The following KCNT2 variants were observed in gnomAD, a reference collection of about 807,000 sequenced individuals.
KCNT2 encodes potassium sodium-activated channel subfamily T member 2.
A neutral mutation model predicts 153.8 loss-of-function variants in KCNT2; 67 were observed. The observed-to-expected ratio is 0.44, with a 90% CI of 0.36 to 0.53. KCNT2 has a LOEUF of 0.53. Ranked by LOEUF, KCNT2 falls within the 20% of genes least tolerant of loss-of-function variation. The pLI is 0.00. For synonymous variants in KCNT2, 500 were observed against 458.8 expected, an observed-to-expected ratio of 1.09 and a Z score of -1.15; for missense variants, 975 against 1,354.8, an observed-to-expected ratio of 0.72 and a Z score of 4.40.
chr1:196,595,173 T>C lies in KCNT2; in HGVS notation c.95+13042A>G, dbSNP rs184837446. ...AGAATAGGTGGAGCTCAATACCTAA[T>C]TGAGGAGGGAATTTGAAAAAAATAG... On this transcript the variant is annotated intron_variant, in intron 1 of 27. Coordinates refer to ENST00000294725, the MANE Select transcript of KCNT2 (RefSeq NM_198503.5). Among the ~76,000 whole-genome samples, 39 of 152,098 alleles carry C rather than the reference T, an allele frequency of 2.6e-4. 1 individual carries two copies. The East Asian group carries it at 7.0e-3, about 27-fold the overall frequency.
chr1:196,537,011 T>C (rs6679424), intron 1 of KCNT2, among the ~76,000 whole-genome samples: 149,579 of 152,278 alleles, frequency 0.98, 73,507 homozygotes, highest in East Asian at 1. Flanking sequence ...TATTCCCAGG[T>C]GCTCCATGCA....
chr1:196,411,828 G>A (rs142938393), intron 12 of KCNT2, among the ~76,000 whole-genome samples: 1 of 151,856 alleles, frequency 6.6e-6, no homozygotes, highest in Non-Finnish European at 1.5e-5. Flanking sequence ...TTCAGTGGAT[G>A]CCTGAAATTG....
chr1:196,407,267 G>A (rs982427711), intron 12 of KCNT2, among the ~76,000 whole-genome samples: 3 of 151,378 alleles, frequency 2.0e-5, no homozygotes, highest in African/African-American at 7.3e-5. Context: ...GTATACAAAT[G>A]TCAAATGAAT....
At chr1:196,231,532 C>T (rs1653955977) in intron 27 of KCNT2, among the ~76,000 whole-genome samples, 1 of 151,692 alleles carries the variant, frequency 6.6e-6, no homozygotes, top group Non-Finnish European at 1.5e-5. Context: ...AAATTCCAAA[C>T]ATCATACAAA....
In KCNT2 at chr1:196,228,350, C is replaced by T. The variant is rs757398000; in HGVS notation, c.3297-15G>A. 1.7e-5 allele frequency: 23 copies of T among 1,385,492 alleles called. No individual in the cohort carries two copies. The East Asian group carries it at 5.3e-4, about 32-fold the overall frequency. 85.8% of individuals were successfully genotyped at this position (1,385,492 alleles called of 1,614,324 possible). A position where few individuals can be genotyped will look rare whatever the true frequency, so the allele number is the denominator to read the frequency against. ...GAATTAAGTATCTAATAAAAGAAAA[C>T]AAAATAAATAACTTTGCAATAGTAA... On this transcript the variant is annotated splice_polypyrimidine_tract_variant and intron_variant, in intron 27 of 27. Coordinates refer to ENST00000294725, the MANE Select transcript of KCNT2 (RefSeq NM_198503.5).
At chr1:196,395,218 T>C (rs1670829605) in intron 13 of KCNT2, among the ~76,000 whole-genome samples, 1 of 151,600 alleles carries the variant, frequency 6.6e-6, no homozygotes, top group African/African-American at 2.4e-5. Context: ...AGACTCTAAA[T>C]GTTATTTCCA....
At chr1:196,524,020 A>G (rs1041410097) in intron 1 of KCNT2, among the ~76,000 whole-genome samples, 1 of 152,202 alleles carries the variant, frequency 6.6e-6, no homozygotes, top group Non-Finnish European at 1.5e-5. Context: ...ATGATTATCA[A>G]GTTGCTCAAG....
At chr1:196,427,724 G>A (rs979528682) in intron 10 of KCNT2, among the ~76,000 whole-genome samples, 1 of 152,000 alleles carries the variant, frequency 6.6e-6, no homozygotes, top group African/African-American at 2.4e-5. Flanking sequence ...TATTTTAACT[G>A]AGCAGATGAT....
At chr1:196,297,465 T>C (rs892902531) in intron 22 of KCNT2, among the ~76,000 whole-genome samples, 1 of 152,166 alleles carries the variant, frequency 6.6e-6, no homozygotes, top group African/African-American at 2.4e-5. Flanking sequence ...TGCATTGTCT[T>C]AGTAGCATAA....
chr1:196,244,938 C>T (rs1655299626), intron 26 of KCNT2, among the ~76,000 whole-genome samples: 1 of 152,080 alleles, frequency 6.6e-6, no homozygotes, highest in Non-Finnish European at 1.5e-5. Context: ...CATTGCAGTC[C>T]CAGTAGTGCT....
intron 5 of KCNT2, among the ~76,000 whole-genome samples, chr1:196,473,122 A>G (rs1038911859): frequency 1.3e-5 from 2 of 152,200 alleles, no homozygotes; most frequent in Non-Finnish European, 2.9e-5. Flanking sequence ...TATAACTCTT[A>G]AAGAGGCTTG....
chr1:196,320,016 T>C (rs1232428620), intron 19 of KCNT2, among the ~76,000 whole-genome samples: 1 of 151,798 alleles, frequency 6.6e-6, no homozygotes, highest in Non-Finnish European at 1.5e-5. Context: ...GATATATGTA[T>C]AATCACAACA....
At chr1:196,465,224 T>C in intron 8 of KCNT2, 69 bp downstream of exon 8, 1 of 821,616 alleles carries the variant, frequency 1.2e-6, no homozygotes. Context: ...AAGTTATTTA[T>C]AATATGGTTT....
intron 26 of KCNT2, among the ~76,000 whole-genome samples, chr1:196,249,825 T>A (rs550397465): frequency 1.3e-5 from 2 of 150,954 alleles, no homozygotes; most frequent in African/African-American, 4.9e-5. Context: ...AACAATCTGA[T>A]AAAATCAAGA....
chr1:196,228,940 A>G (rs900274606), intron 27 of KCNT2, among the ~76,000 whole-genome samples: 1 of 152,138 alleles, frequency 6.6e-6, no homozygotes, highest in Non-Finnish European at 1.5e-5. Context: ...TTTATCTAAA[A>G]TTCAGCTTAT....
At chr1:196,408,338 C>G (rs567842886) in intron 12 of KCNT2, among the ~76,000 whole-genome samples, 6 of 151,346 alleles carry the variant, frequency 4.0e-5, no homozygotes, top group Non-Finnish European at 7.4e-5. Context: ...AGATATTTAT[C>G]ATATTTACTG....
chr1:196,511,084 G>A (rs1681576178), intron 1 of KCNT2, among the ~76,000 whole-genome samples: 1 of 146,968 alleles, frequency 6.8e-6, no homozygotes, highest in African/African-American at 2.5e-5. Context: ...AAAAAAAGTT[G>A]AATAAATTAT....
chr1:196,461,731 A>G (rs1677169592), intron 8 of KCNT2, among the ~76,000 whole-genome samples: 1 of 151,704 alleles, frequency 6.6e-6, no homozygotes, highest in African/African-American at 2.4e-5. Context: ...TACACTGCCA[A>G]TATGTGGACA....
intron 1 of KCNT2, among the ~76,000 whole-genome samples, chr1:196,548,897 T>A (rs976467988): frequency 1.3e-5 from 2 of 150,966 alleles, no homozygotes; most frequent in African/African-American, 4.9e-5. Flanking sequence ...CAGTAAACTA[T>A]CGCAAGAACA....
Sources: gnomAD v4.1 joint callset for allele counts (sites outside exome capture counted in the v4.1 genomes callset) on GRCh38, gnomAD v4.1.1 for gene constraint, MANE v1.5 for transcripts, NCBI Gene and HGNC (gene_info 2026-07-23, HGNC 2026-07-21) for gene names.